NPY1R: variants seen among roughly 807,000 people sequenced by gnomAD.
NPY1R encodes the protein neuropeptide Y receptor type 1.
Under a neutral mutation model 24.1 loss-of-function variants are expected in NPY1R, and 10 were observed. That is an observed-to-expected ratio of 0.42 (90% confidence interval 0.26 to 0.71). The LOEUF is 0.71. Ranked by LOEUF, NPY1R falls within the 30% of genes least tolerant of loss-of-function variation. NPY1R has a pLI of 0.28. For missense variants in NPY1R, 350 were observed against 458.0 expected (o/e 0.76, Z 2.15); for synonymous variants, 168 against 165.9 (o/e 1.01, Z -0.10).
chr4:163,327,455 T>G (rs977294693), intron 1 of NPY1R, among the ~76,000 whole-genome samples: 1 of 152,180 alleles, frequency 6.6e-6, no homozygotes, highest in Admixed American at 6.5e-5. Flanking sequence ...ATCACATCAT[T>G]GTGAGGAACA....
At chr4:163,328,710 T>C (rs1237574375) in intron 1 of NPY1R, among the ~76,000 whole-genome samples, 1 of 152,088 alleles carries the variant, frequency 6.6e-6, no homozygotes, top group African/African-American at 2.4e-5. Flanking sequence ...GGCAGGTGAG[T>C]CTGTTCACAG....
At chr4:163,332,965 C>A (rs1470161464), upstream of NPY1R, 3 of 152,132 alleles carry the variant, frequency 2.0e-5, no homozygotes, top group African/African-American at 7.2e-5. Context: ...CGAGCGCCAG[C>A]CCAAACCAGG....
chr4:163,331,905 G>C (rs903719168), intron 1 of NPY1R, among the ~76,000 whole-genome samples: 1 of 152,216 alleles, frequency 6.6e-6, no homozygotes, highest in Non-Finnish European at 1.5e-5. Context: ...CGCGGAACCC[G>C]CAAGTGGGGG....
chr4:163,325,619 G>C lies in NPY1R; in HGVS notation c.839C>G (p.Thr280Ser). Residue 280 changes from threonine to serine, a missense_variant, in exon 3 of 3, where the codon ACC becomes AGC. Thr to Ser is a moderately conservative substitution (Grantham distance 58). Coordinates refer to ENST00000296533, the MANE Select transcript of NPY1R (RefSeq NM_000909.6). ...CCAATCAAACACAGTGTTAAAGATG[G>C]TAAGAGGGAGCCAGCAGACTGCAAA... The part of the protein sequence containing the change: ...VAFAVCWLPL[T>S]IFNTVFDWNH... 6.2e-7 allele frequency: 1 copy of C among 1,612,616 alleles called. No individual in the cohort carries two copies. Among genetic ancestry groups the C allele is most frequent in the Non-Finnish European group, 8.5e-7 (1 of 1,179,974 alleles).
upstream of NPY1R, among the ~76,000 whole-genome samples, chr4:163,334,075 C>T (rs1196411570): frequency 2.0e-5 from 3 of 151,872 alleles, no homozygotes; most frequent in Admixed American, 6.6e-5. Flanking sequence ...GGAATTTCAA[C>T]TCTTTCAGGG....
At chr4:163,343,690 G>A (rs1305061451) in intron 1 of NPY1R, among the ~76,000 whole-genome samples, 1 of 152,184 alleles carries the variant, frequency 6.6e-6, no homozygotes, top group African/African-American at 2.4e-5. Flanking sequence ...CCCGAGGCCA[G>A]GGTGAAGGGA....
chr4:163,329,880 G>A (rs888239730), intron 1 of NPY1R, among the ~76,000 whole-genome samples: 3 of 152,024 alleles, frequency 2.0e-5, no homozygotes, highest in African/African-American at 2.4e-5. Context: ...GCTAAAGAGG[G>A]GGGTACAGAC....
At chr4:163,343,928 CG>C (rs1419104606) in intron 1 of NPY1R, 145 of 152,818 alleles carry the variant, frequency 9.5e-4, no homozygotes, top group African/African-American at 3.5e-3. Context: ...CCGCCACCGC[CG>C]GGGTGCAGGA....
At chr4:163,328,949 T>G (rs904984827) in intron 1 of NPY1R, among the ~76,000 whole-genome samples, 3 of 152,206 alleles carry the variant, frequency 2.0e-5, no homozygotes, top group Non-Finnish European at 4.4e-5. Context: ...TTGACTGATA[T>G]AACTGATGCA....
chr4:163,335,597 A>C (rs1734823335), upstream of NPY1R, among the ~76,000 whole-genome samples: 1 of 152,194 alleles, frequency 6.6e-6, no homozygotes, highest in Non-Finnish European at 1.5e-5. Context: ...AATAGGCATT[A>C]ATACTACACG....
At chr4:163,337,829 C>T (rs1055087517), upstream of NPY1R, among the ~76,000 whole-genome samples, 1 of 152,200 alleles carries the variant, frequency 6.6e-6, no homozygotes, top group African/African-American at 2.4e-5. Context: ...TCTTCCCTAG[C>T]TGCTTCTCTT....
At position 163,325,134 on chromosome 4, in the gene NPY1R, T is replaced by G; in HGVS notation, c.*169A>C. On this transcript the variant is annotated 3_prime_UTR_variant, in exon 3 of 3. Coordinates refer to ENST00000296533, the MANE Select transcript of NPY1R (RefSeq NM_000909.6). ...CAAAGCCCACACCTTTTGTTCCAAA[T>G]GTAATTATGACAACTACAACAAAAG... The G allele has an allele frequency of 1.7e-6, 1 of 601,572 alleles. No homozygotes were observed. Among genetic ancestry groups the G allele is most frequent in the South Asian group, 2.2e-5 (1 of 46,316 alleles). 37.3% of individuals were successfully genotyped at this position (601,572 alleles called of 1,614,324 possible). A position where few individuals can be genotyped will look rare whatever the true frequency, so the allele number is the denominator to read the frequency against.
intron 1 of NPY1R, among the ~76,000 whole-genome samples, chr4:163,328,669 C>G (rs1734661653): frequency 6.6e-6 from 1 of 152,164 alleles, no homozygotes; most frequent in Non-Finnish European, 1.5e-5. Context: ...ACACTTTACT[C>G]TAATAATCCC....
In NPY1R at chr4:163,325,508, G is replaced by A. The variant is rs1164552860; in HGVS notation, c.950C>T (p.Pro317Leu). The A allele has an allele frequency of 6.2e-7, 1 of 1,613,936 alleles. No individual in the cohort carries two copies. The highest frequency in any genetic ancestry group is 8.5e-7 in the Non-Finnish European group (1 of 1,179,976). Residue 317 changes from proline (P) to leucine (L), a missense_variant, in exon 3 of 3, where the codon CCC becomes CTC. Physicochemically the swap from Pro to Leu is moderately conservative, Grantham distance 98 (BLOSUM62 -3). Coordinates refer to ENST00000296533, the MANE Select transcript of NPY1R (RefSeq NM_000909.6). The stretch of plus-strand genomic sequence containing the variant: ...TTTGTTCAGGAACCCATAAAATATG[G>A]GGTTGACACAAGTGGATATCATTGC... ...LTAMISTCVN[P>L]IFYGFLNKNF...
chr4:163,327,443 T>G (rs1054739524), intron 1 of NPY1R, among the ~76,000 whole-genome samples: 1 of 152,196 alleles, frequency 6.6e-6, no homozygotes, highest in Non-Finnish European at 1.5e-5. Flanking sequence ...ATTATTTTTT[T>G]AATCACATCA....
At position 163,342,981 on chromosome 4, in the gene NPY1R, GACACACACACACACAC is replaced by G. The variant is rs142715363; in HGVS notation, c.-152+1308_-152+1323del. Among the ~76,000 whole-genome samples, 18 of 139,196 alleles carry G rather than the reference GACACACACACACACAC, an allele frequency of 1.3e-4. No homozygotes were observed. In the East Asian group the frequency reaches 3.6e-3, roughly 28 times the overall value. 91.3% of individuals were successfully genotyped at this position (139,196 alleles called of 152,430 possible). On this transcript the variant is annotated intron_variant, in intron 1 of 1. Transcript: ENST00000511901. ...CTTCTCTCTCTCTCTCTCTCTCACA[GACACACACACACACAC>G]ACACACACACACACACACACACGCG...
chr4:163,326,048 A>C lies in NPY1R; in HGVS notation c.507T>G (p.Ser169=). The C allele has an allele frequency of 6.2e-7, 1 of 1,614,160 alleles. No individual in the cohort carries two copies. The change falls in exon 2 of 3, where the codon TCT becomes TCG. Residue 169 remains serine (S), a synonymous_variant. Transcript: ENST00000296533. The stretch of plus-strand genomic sequence containing the variant: ...CTTGGTAGATCAGGAAAGGCAAAGA[A>C]GAAGCCACAGCAAGGACCCAAATCA... ...IAVIWVLAVA[S]SLPFLIYQVM...
At chr4:163,335,388 T>C (rs1443943087), upstream of NPY1R, among the ~76,000 whole-genome samples, 1 of 152,212 alleles carries the variant, frequency 6.6e-6, no homozygotes, top group African/African-American at 2.4e-5. Context: ...TGGAACAAAC[T>C]TATGGCCTGG....
At chr4:163,330,993 G>A (rs1167828568) in intron 1 of NPY1R, 2 of 152,240 alleles carry the variant, frequency 1.3e-5, no homozygotes, top group African/African-American at 2.4e-5. Flanking sequence ...TTGCTGGGGA[G>A]GGCTTGTTCA....
Sources: allele counts gnomAD v4.1 joint callset (sites outside exome capture counted in the v4.1 genomes callset), GRCh38; gene constraint gnomAD v4.1.1; transcripts MANE v1.5; gene names NCBI Gene and HGNC (gene_info 2026-07-23, HGNC 2026-07-21).